TGFBR3: variants seen among roughly 807,000 people sequenced by gnomAD.
TGFBR3 encodes transforming growth factor beta receptor type 3.
Under a neutral mutation model 87.9 loss-of-function variants are expected in TGFBR3, and 46 were observed. The observed-to-expected ratio is 0.52, with a 90% CI of 0.41 to 0.67. The LOEUF (loss-of-function observed/expected upper bound fraction) is 0.67, where lower values mean the gene tolerates loss of function less well. TGFBR3 is among the 30% of genes least tolerant of loss of function. TGFBR3 has a pLI of 0.00. For missense variants in TGFBR3, 866 were observed against 1,041.9 expected (o/e 0.83, Z 2.32); for synonymous variants, 381 against 391.6 (o/e 0.97, Z 0.32).
intron 2 of TGFBR3, among the ~76,000 whole-genome samples, chr1:91,857,525 G>C (rs1208263135): frequency 6.6e-6 from 1 of 152,082 alleles, no homozygotes; most frequent in Admixed American, 6.5e-5. Flanking sequence ...TGACCCACAG[G>C]GCTTCCCCTC....
intron 3 of TGFBR3, among the ~76,000 whole-genome samples, chr1:91,778,799 A>G (rs1674663177): frequency 6.6e-6 from 1 of 152,226 alleles, no homozygotes; most frequent in Non-Finnish European, 1.5e-5. Flanking sequence ...CAGTGAACAT[A>G]TTTAAAAATA....
At chr1:91,898,273 T>C (rs1232504082) in intron 2 of TGFBR3, among the ~76,000 whole-genome samples, 1 of 152,114 alleles carries the variant, frequency 6.6e-6, no homozygotes, top group Non-Finnish European at 1.5e-5. Flanking sequence ...TGTGTGCATT[T>C]AAAAAGACAG....
intron 2 of TGFBR3, among the ~76,000 whole-genome samples, chr1:91,894,775 ACT>A (rs1230610777): frequency 6.6e-6 from 1 of 152,016 alleles, no homozygotes; most frequent in African/African-American, 2.4e-5. Context: ...CTGTTGAGAC[ACT>A]CTCTGTCCTT....
At chr1:91,829,644 T>C (rs963324604) in intron 2 of TGFBR3, 1 of 152,228 alleles carries the variant, frequency 6.6e-6, no homozygotes, top group African/African-American at 2.4e-5. Context: ...CATGGAGAGT[T>C]AAAACTACCA....
intron 2 of TGFBR3, among the ~76,000 whole-genome samples, chr1:91,840,208 G>A (rs1449128681): frequency 6.6e-6 from 1 of 151,102 alleles, no homozygotes; most frequent in Non-Finnish European, 1.5e-5. Context: ...TGAAGTCCCA[G>A]CTTCCTGGGA....
At chr1:91,898,984 T>C (rs186475120) in intron 2 of TGFBR3, among the ~76,000 whole-genome samples, 2 of 152,324 alleles carry the variant, frequency 1.3e-5, no homozygotes, top group East Asian at 3.9e-4. Flanking sequence ...TCATGTATGT[T>C]TGTTAACCAC....
intron 2 of TGFBR3, among the ~76,000 whole-genome samples, chr1:91,828,013 T>G (rs1012296510): frequency 7.2e-5 from 11 of 152,238 alleles, no homozygotes; most frequent in African/African-American, 2.7e-4. Flanking sequence ...AGCTGCAGAC[T>G]GTCCGGAACA....
In TGFBR3 at chr1:91,721,970, G is replaced by A. The variant is rs41305630; in HGVS notation, c.1060C>T (p.Arg354Trp). ...TCTAACTTACCATTATTTTCAAGCC[G>A]AAGATGAAATCTATTAGCCACAGGA... ...MAPVANRFHL[R>W]LENNAEEMGD... Residue 354 changes from arginine (R) to tryptophan (W), a missense_variant, in exon 8 of 17, where the codon CGG becomes TGG. Transcript: ENST00000212355. The A allele has an allele frequency of 7.5e-5, 121 of 1,612,622 alleles. No individual in the cohort carries two copies. The highest frequency in any genetic ancestry group is 8.9e-5 in the East Asian group (4 of 44,794).
At chr1:91,768,803 T>TTTTTTTTTTTTTTTTG (rs1482402647) in intron 3 of TGFBR3, among the ~76,000 whole-genome samples, 1 of 152,210 alleles carries the variant, frequency 6.6e-6, no homozygotes. Context: ...CTCTTTTCTT[T>TTTTTTTTTTTTTTTTG]ATAAATTACC....
rs998398838 is a variant in TGFBR3 at position 91,745,835 on chromosome 1, T to C, written c.385-10876A>G. On this transcript the variant is annotated intron_variant, in intron 4 of 16. Transcript: ENST00000212355. ...ATGCCTGTGAACCTAGGTTCATAAT[T>C]TGCAAAGCTACATATTCATGAGCCA... Among the ~76,000 whole-genome samples the C allele has an allele frequency of 4.6e-5, 7 of 152,202 alleles. 1 individual carries two copies. Among genetic ancestry groups the C allele is most frequent in the African/African-American group, 1.7e-4 (7 of 41,446 alleles).
At chr1:91,867,100 T>C (rs2101222369) in intron 1 of TGFBR3, among the ~76,000 whole-genome samples, 1 of 152,318 alleles carries the variant, frequency 6.6e-6, no homozygotes, top group Middle Eastern at 3.4e-3. Flanking sequence ...ACAGAGTTGT[T>C]GCAAGAATCA....
rs545994550 is a variant in TGFBR3 at position 91,867,139 on chromosome 1, A to G, written c.-113-5495T>C. On this transcript the variant is annotated intron_variant, in intron 1 of 16. Transcript: ENST00000212355. Reference sequence around the variant, plus strand: ...GAGATTGTGCATGTATAGTATTAAAACTATCATTTATCATTAGCAAGCTGT... The same window carrying G: ...GAGATTGTGCATGTATAGTATTAAAGCTATCATTTATCATTAGCAAGCTGT... Among the ~76,000 whole-genome samples the G allele has an allele frequency of 9.2e-5, 14 of 152,306 alleles. No individual in the cohort carries two copies. The South Asian group carries it at 2.9e-3, about 32-fold the overall frequency.
intron 7 of TGFBR3, 80 bp downstream of exon 7, chr1:91,727,579 T>C (rs1285413576): frequency 1.5e-5 from 23 of 1,586,008 alleles, no homozygotes; most frequent in Non-Finnish European, 1.9e-5. Context: ...GCAGGAACTT[T>C]AAAAATAACA....
intron 7 of TGFBR3, 24 bp from the exon 8 acceptor site, chr1:91,722,168 C>T: frequency 6.3e-7 from 1 of 1,599,906 alleles, no homozygotes; most frequent in Non-Finnish European, 8.6e-7. Context: ...AAAAAAATCA[C>T]TCATGAGTCT....
intron 4 of TGFBR3, among the ~76,000 whole-genome samples, chr1:91,743,487 C>G (rs1040853770): frequency 6.6e-6 from 1 of 152,146 alleles, no homozygotes. Flanking sequence ...CACCACCCAG[C>G]CCCACTCTAG....
intron 2 of TGFBR3, among the ~76,000 whole-genome samples, chr1:91,811,027 A>G (rs1165707853): frequency 3.9e-5 from 6 of 152,314 alleles, no homozygotes. Context: ...GAAACAAATC[A>G]CAGGCAGGTG....
At chr1:91,837,399 T>A (rs1485445061) in intron 2 of TGFBR3, among the ~76,000 whole-genome samples, 3 of 152,016 alleles carry the variant, frequency 2.0e-5, no homozygotes, top group Non-Finnish European at 4.4e-5. Flanking sequence ...GCATGCACCA[T>A]CACGCCTGGC....
At chr1:91,849,363 A>G (rs1245989008) in intron 2 of TGFBR3, among the ~76,000 whole-genome samples, 2 of 151,768 alleles carry the variant, frequency 1.3e-5, no homozygotes, top group Non-Finnish European at 2.9e-5. Context: ...TTCCCATTCC[A>G]GCAGGCACCT....
At chr1:91,886,511 G>A (rs1679323314), upstream of TGFBR3, among the ~76,000 whole-genome samples, 1 of 152,200 alleles carries the variant, frequency 6.6e-6, no homozygotes, top group Non-Finnish European at 1.5e-5. Flanking sequence ...GAGCTGCGGG[G>A]ACTCGCTCCC....
Sources: allele counts gnomAD v4.1 joint callset (sites outside exome capture counted in the v4.1 genomes callset), GRCh38; gene constraint gnomAD v4.1.1; transcripts MANE v1.5; gene names NCBI Gene and HGNC (gene_info 2026-07-23, HGNC 2026-07-21).